AK4: variants seen among roughly 807,000 people sequenced by gnomAD.
The protein encoded by AK4 is adenylate kinase 4, mitochondrial.
In AK4, 13 loss-of-function variants were observed where a neutral mutation model predicts 24.6. That is an observed-to-expected ratio of 0.53 (90% CI 0.34 to 0.84). The LOEUF (loss-of-function observed/expected upper bound fraction) is 0.84, where lower values mean the gene tolerates loss of function less well. Ranked by LOEUF, AK4 falls within the 40% of genes least tolerant of loss-of-function variation. The pLI, the probability that AK4 is intolerant of heterozygous loss-of-function variation, is 0.01. For missense variants in AK4, 192 were observed against 288.2 expected (o/e 0.67, Z 2.42); for synonymous variants, 88 against 107.0 (o/e 0.82, Z 1.10).
chr1:65,162,013 C>T (rs1355988287), intron 1 of AK4, among the ~76,000 whole-genome samples: 2 of 151,776 alleles, frequency 1.3e-5, no homozygotes, highest in Admixed American at 6.6e-5. Flanking sequence ...TTTGAGAGGC[C>T]GAGGCAGAAG....
chr1:65,159,238 G>A lies in AK4; in HGVS notation c.145+10686G>A, dbSNP rs919495964. The stretch of plus-strand genomic sequence containing the variant: ...GTCATAACCAACATTTGCAGGGGGC[G>A]AAGCAACTGCCAGGCCCTGGACTGA... On this transcript the variant is annotated intron_variant, in intron 1 of 4. Transcript: ENST00000327299. Among the ~76,000 whole-genome samples, 6 of 152,318 alleles carry A rather than the reference G, an allele frequency of 3.9e-5. No individual in the cohort carries two copies. In the East Asian group the frequency reaches 9.6e-4, roughly 24 times the overall value.
intron 1 of AK4, among the ~76,000 whole-genome samples, chr1:65,163,882 T>A (rs1650248783): frequency 6.6e-6 from 1 of 152,078 alleles, no homozygotes; most frequent in Non-Finnish European, 1.5e-5. Flanking sequence ...AAGTGAGGTT[T>A]TCTTGCTGTC....
rs1652516199 is a variant in AK4 at position 65,227,954 on chromosome 1, T to TA, written c.*1778dup. 6.9e-6 allele frequency: 1 copy of TA among 143,902 alleles called. No individual in the cohort carries two copies. The highest frequency in any genetic ancestry group is 2.1e-4 in the South Asian group (1 of 4,682). The allele number at this position is 143,902 out of a possible 1,614,324, so 8.9% of individuals were successfully genotyped here. On this transcript the variant is annotated 3_prime_UTR_variant, in exon 5 of 5. Transcript: ENST00000327299. Reference sequence around the variant, plus strand: ...AATGAGATTGTTTACTTTTTAGATTTATGCAGTGAAAATGCCCAGTCAGGT... The same window carrying TA: ...AATGAGATTGTTTACTTTTTAGATTTAATGCAGTGAAAATGCCCAGTCAGGT...
At chr1:65,167,137 C>G (rs1057205837) in intron 1 of AK4, among the ~76,000 whole-genome samples, 1 of 152,028 alleles carries the variant, frequency 6.6e-6, no homozygotes, top group Non-Finnish European at 1.5e-5. Flanking sequence ...TCTCAAAAAA[C>G]AAAAATAGAA....
intron 1 of AK4, among the ~76,000 whole-genome samples, chr1:65,178,560 G>C (rs549646992): frequency 1.1e-3 from 164 of 152,280 alleles, no homozygotes; most frequent in Middle Eastern, 3.4e-3. Context: ...ATTACAGAAG[G>C]GGGGATTAAC....
intron 1 of AK4, among the ~76,000 whole-genome samples, chr1:65,160,792 A>G (rs533783524): frequency 1.3e-5 from 2 of 152,220 alleles, no homozygotes; most frequent in African/African-American, 4.8e-5. Context: ...ACAAGGTCTC[A>G]CTATATTGCC....
chr1:65,217,668 G>T (rs1252022541), intron 2 of AK4, among the ~76,000 whole-genome samples: 1 of 152,056 alleles, frequency 6.6e-6, no homozygotes, highest in African/African-American at 2.4e-5. Flanking sequence ...AGTGTAATTT[G>T]GGGTCATATG....
At chr1:65,223,718 G>T (rs945706081) in intron 3 of AK4, among the ~76,000 whole-genome samples, 5 of 152,094 alleles carry the variant, frequency 3.3e-5, no homozygotes, top group African/African-American at 1.2e-4. Flanking sequence ...AAACCAGCCA[G>T]GCGCAGTGGC....
At chr1:65,157,608 A>T (rs1650023999) in intron 1 of AK4, among the ~76,000 whole-genome samples, 1 of 152,042 alleles carries the variant, frequency 6.6e-6, no homozygotes, top group Non-Finnish European at 1.5e-5. Flanking sequence ...ACGTAGCGAG[A>T]CCTCATCTTT....
intron 3 of AK4, among the ~76,000 whole-genome samples, chr1:65,220,295 G>A (rs1296522382): frequency 6.6e-6 from 1 of 152,180 alleles, no homozygotes; most frequent in Non-Finnish European, 1.5e-5. Flanking sequence ...AGCTTTGTGA[G>A]TAACTGGCAA....
At position 65,226,259 on chromosome 1, in the gene AK4, G is replaced by A. The variant is rs1652458953; in HGVS notation, c.*82G>A. The A allele has an allele frequency of 1.8e-6, 2 of 1,109,622 alleles. No individual in the cohort carries two copies. Among genetic ancestry groups the A allele is most frequent in the Non-Finnish European group, 2.5e-6 (2 of 786,940 alleles). 68.7% of individuals were successfully genotyped at this position (1,109,622 alleles called of 1,614,324 possible). A position where few individuals can be genotyped will look rare whatever the true frequency, so the allele number is the denominator to read the frequency against. On this transcript the variant is annotated 3_prime_UTR_variant, in exon 5 of 5. Transcript: ENST00000327299. Reference sequence around the variant, plus strand: ...TATTGGTGCTGTGTCCAAATTAGAAGCTAGCTGAGGTAGCTTGCAGCATCT... The same window carrying A: ...TATTGGTGCTGTGTCCAAATTAGAAACTAGCTGAGGTAGCTTGCAGCATCT...
chr1:65,172,894 G>A (rs1380442751), intron 1 of AK4, among the ~76,000 whole-genome samples: 4 of 120,480 alleles, frequency 3.3e-5, no homozygotes, highest in Non-Finnish European at 6.3e-5. Flanking sequence ...ACGAACTCTC[G>A]CTCTGTTGCC....
intron 4 of AK4, among the ~76,000 whole-genome samples, chr1:65,225,861 C>A (rs924876879): frequency 6.6e-6 from 1 of 152,164 alleles, no homozygotes; most frequent in Non-Finnish European, 1.5e-5. Flanking sequence ...TCATGACAAG[C>A]ATACCAGAAT....
chr1:65,148,164 AGGAGGTGGAGAAGGGCGG>A (rs1186861371), upstream of AK4: 99 of 749,744 alleles, frequency 1.3e-4, no homozygotes, highest in Non-Finnish European at 1.9e-4. Context: ...GAGGAGGGCG[AGGAGGTGGAGAAGGGCGG>A]GGAGGTGTAG....
chr1:65,148,117 G>T, upstream of AK4: 1 of 477,358 alleles, frequency 2.1e-6, no homozygotes. Context: ...GCGGGGCACG[G>T]CGCGCTTCAG....
chr1:65,170,677 C>T (rs72677680), intron 1 of AK4, among the ~76,000 whole-genome samples: 3,371 of 152,270 alleles, frequency 0.022, 40 homozygotes, highest in Middle Eastern at 0.037. Context: ...GAGCCAGGAA[C>T]TCACTGTGGT....
chr1:65,195,511 G>A (rs113795285), intron 2 of AK4, among the ~76,000 whole-genome samples: 25 of 152,254 alleles, frequency 1.6e-4, no homozygotes, highest in African/African-American at 6.0e-4. Flanking sequence ...AAAAATCTGT[G>A]TTTAAAAAGG....
At position 65,229,010 on chromosome 1, in the gene AK4, A is replaced by G. The variant is rs542110789; in HGVS notation, c.*2833A>G. 1 of 152,306 alleles carries G rather than the reference A, an allele frequency of 6.6e-6. No homozygotes were observed. Among genetic ancestry groups the G allele is most frequent in the South Asian group, 2.1e-4 (1 of 4,824 alleles). The allele number at this position is 152,306 out of a possible 1,614,324, so 9.4% of individuals were successfully genotyped here. On this transcript the variant is annotated 3_prime_UTR_variant, in exon 5 of 5. Coordinates refer to ENST00000327299, the MANE Select transcript of AK4 (RefSeq NM_013410.4). ...AGGACCTTCATAAACATCTCATTTA[A>G]TCTTTCTAGCATCCTGTGAAACAGC... is the stretch of plus-strand genomic sequence containing the variant.
At chr1:65,218,686 A>G in intron 2 of AK4, 68 bp from the exon 3 acceptor site, 1 of 1,447,646 alleles carries the variant, frequency 6.9e-7, no homozygotes. Context: ...TGTCACTGAA[A>G]ATGTTTCAAG....
Sources: allele counts gnomAD v4.1 joint callset (sites outside exome capture counted in the v4.1 genomes callset), GRCh38; gene constraint gnomAD v4.1.1; transcripts MANE v1.5; gene names NCBI Gene and HGNC (gene_info 2026-07-23, HGNC 2026-07-21).